The following CATSPERE variants were observed in gnomAD, a reference collection of about 807,000 sequenced individuals.
CATSPERE encodes catsper channel auxiliary subunit epsilon, also known as cation channel sperm-associated auxiliary subunit epsilon.
Under a neutral mutation model 114.1 loss-of-function variants are expected in CATSPERE, and 93 were observed. The ratio of observed to expected loss-of-function variants is 0.81; its 90% CI spans 0.69 to 0.97. CATSPERE has a LOEUF of 0.97. CATSPERE is among the 50% of genes least tolerant of loss of function. The pLI is 0.00. For synonymous variants in CATSPERE, 341 were observed against 384.1 expected (o/e 0.89, Z 1.31); for missense variants, 1,058 against 1,131.6 (o/e 0.93, Z 0.93).
At chr1:244,637,271 C>T (rs61842407) in intron 21 of CATSPERE, among the ~76,000 whole-genome samples, 16,178 of 152,208 alleles carry the variant, frequency 0.11, 930 homozygotes, top group South Asian at 0.13. Context: ...ATGTCCTCCC[C>T]ACAGTCTGCT....
At chr1:244,635,889 C>T (rs1029484879) in intron 21 of CATSPERE, among the ~76,000 whole-genome samples, 2 of 152,122 alleles carry the variant, frequency 1.3e-5, no homozygotes, top group Non-Finnish European at 2.9e-5. Context: ...ATATGACATC[C>T]TAAAAATTGT....
chr1:244,576,140 T>C (rs1665231564), intron 11 of CATSPERE, among the ~76,000 whole-genome samples: 1 of 151,976 alleles, frequency 6.6e-6, no homozygotes, highest in Admixed American at 6.5e-5. Flanking sequence ...GTCCACGTGG[T>C]ATGTGAGGAT....
At chr1:244,482,194 T>C (rs891083210) in intron 5 of CATSPERE, among the ~76,000 whole-genome samples, 6 of 152,198 alleles carry the variant, frequency 3.9e-5, no homozygotes, top group Admixed American at 2.0e-4. Flanking sequence ...AGGCCTAGCA[T>C]TGTGGCTCAT....
chr1:244,602,973 GC>G (rs1669478435), intron 17 of CATSPERE, among the ~76,000 whole-genome samples: 2 of 152,122 alleles, frequency 1.3e-5, no homozygotes, highest in Admixed American at 1.3e-4. Context: ...TGTGGGCAGA[GC>G]CTTATTGCAG....
At chr1:244,602,800 C>T (rs935783543) in intron 17 of CATSPERE, among the ~76,000 whole-genome samples, 36 of 152,128 alleles carry the variant, frequency 2.4e-4, no homozygotes, top group African/African-American at 8.5e-4. Context: ...CCTGAGGATT[C>T]GCTTTAGTCA....
intron 20 of CATSPERE, among the ~76,000 whole-genome samples, chr1:244,621,156 A>ATATC (rs1672194430): frequency 7.5e-5 from 4 of 53,606 alleles, no homozygotes; most frequent in Non-Finnish European, 1.4e-4. Flanking sequence ...ATATTATAAA[A>ATATC]TATATATATT....
intron 8 of CATSPERE, among the ~76,000 whole-genome samples, chr1:244,540,826 T>C (rs12750499): frequency 8.7e-5 from 6 of 68,586 alleles, no homozygotes; most frequent in Non-Finnish European, 1.6e-4. Flanking sequence ...CAATGGAACA[T>C]AACAGAGCCC....
At chr1:244,493,669 C>T (rs1009018083) in intron 6 of CATSPERE, among the ~76,000 whole-genome samples, 1 of 152,106 alleles carries the variant, frequency 6.6e-6, no homozygotes, top group Admixed American at 6.6e-5. Flanking sequence ...AGGCAACCTA[C>T]AAAATGGGAG....
At chr1:244,520,833 A>G (rs1460607156) in intron 8 of CATSPERE, among the ~76,000 whole-genome samples, 1 of 152,228 alleles carries the variant, frequency 6.6e-6, no homozygotes, top group Admixed American at 6.5e-5. Flanking sequence ...GACCCAAAAA[A>G]TACATATAGA....
chr1:244,617,463 G>A (rs1671540486), intron 19 of CATSPERE, 66 bp from the exon 20 acceptor site: 1 of 1,224,606 alleles, frequency 8.2e-7, no homozygotes, highest in African/African-American at 1.6e-5. Flanking sequence ...AGATAAATGA[G>A]ACTATAATTT....
chr1:244,477,316 A>AATAAAATT (rs1339858890), intron 2 of CATSPERE, among the ~76,000 whole-genome samples: 2 of 152,192 alleles, frequency 1.3e-5, no homozygotes, highest in Non-Finnish European at 2.9e-5. Flanking sequence ...TGCTGAAGTA[A>AATAAAATT]ATAAAATTAA....
rs772851457 is a variant in CATSPERE, at chr1:244,605,753, C to G, written c.2362C>G (p.His788Asp). 1 of 1,613,432 alleles carries G rather than the reference C, an allele frequency of 6.2e-7. No homozygotes were observed. The highest frequency in any genetic ancestry group is 8.5e-7 in the Non-Finnish European group (1 of 1,179,604). ...AGCAAATTTCATAGTGTGGGAAATA[C>G]ACGGCAGGGATGACTATAGCTTTAA... is the stretch of plus-strand genomic sequence containing the variant. ...VEANFIVWEI[H>D]GRDDYSFNNT... The change falls in exon 18 of 22, where the codon CAC becomes GAC. Residue 788 changes from histidine (H) to aspartate (D), a missense_variant. His to Asp is a moderately conservative substitution (Grantham distance 81). Coordinates refer to ENST00000366534, the MANE Select transcript of CATSPERE (RefSeq NM_001130957.2).
chr1:244,451,838 A>G, upstream of CATSPERE: 2 of 1,551,382 alleles, frequency 1.3e-6, no homozygotes, highest in South Asian at 1.2e-5. This position sits in a 1 kb window ranked among gnomAD's most constrained non-coding sequence, Gnocchi z 6.6. Flanking sequence ...ACGCGAGGAG[A>G]GCCCGAAGGA....
chr1:244,458,216 C>T (rs551467177), upstream of CATSPERE, among the ~76,000 whole-genome samples: 3 of 152,086 alleles, frequency 2.0e-5, no homozygotes, highest in Admixed American at 6.5e-5. Context: ...GAGGGAATGG[C>T]GTTTGGTTTT....
At chr1:244,524,611 G>A (rs1023062416) in intron 8 of CATSPERE, among the ~76,000 whole-genome samples, 2 of 151,754 alleles carry the variant, frequency 1.3e-5, no homozygotes, top group Admixed American at 1.3e-4. Flanking sequence ...CTAATATCCA[G>A]AATCTACAAT....
intron 6 of CATSPERE, among the ~76,000 whole-genome samples, chr1:244,497,140 C>A (rs889146529): frequency 5.3e-5 from 8 of 152,066 alleles, no homozygotes; most frequent in African/African-American, 1.7e-4. Flanking sequence ...TTAAAGAAAA[C>A]ATGGAAGAAT....
At chr1:244,563,076 A>G (rs548630489) in intron 10 of CATSPERE, among the ~76,000 whole-genome samples, 1 of 152,106 alleles carries the variant, frequency 6.6e-6, no homozygotes, top group Admixed American at 6.5e-5. Flanking sequence ...AGCCTTTTTC[A>G]TGGCTGCATA....
chr1:244,475,890 A>T (rs996165630), intron 2 of CATSPERE, among the ~76,000 whole-genome samples: 8 of 152,164 alleles, frequency 5.3e-5, no homozygotes, highest in African/African-American at 1.9e-4. Flanking sequence ...TAAACATTTT[A>T]TACTTTATGA....
At chr1:244,469,374 T>C (rs1558313189) in intron 2 of CATSPERE, among the ~76,000 whole-genome samples, 1 of 152,202 alleles carries the variant, frequency 6.6e-6, no homozygotes, top group Non-Finnish European at 1.5e-5. Context: ...GCTCCAGTAT[T>C]ACAGCTCATG....
Sources: gnomAD v4.1 joint callset for allele counts (sites outside exome capture counted in the v4.1 genomes callset) on GRCh38, gnomAD v4.1.1 for gene constraint, Gnocchi (gnomAD v3.1) non-coding constraint, MANE v1.5 for transcripts, NCBI Gene and HGNC (gene_info 2026-07-23, HGNC 2026-07-21) for gene names.